The following UPP2 variants were observed in gnomAD, a reference collection of about 807,000 sequenced individuals.
UPP2 encodes the protein UPase 2.
UPP2 carries 23 observed loss-of-function variants against 26.7 expected under a neutral mutation model. The observed-to-expected ratio is 0.86, with a 90% CI of 0.62 to 1.22. The LOEUF is 1.22. Ranked by LOEUF, UPP2 falls within the 50% of genes most tolerant of loss-of-function variation. The pLI, the probability that UPP2 is intolerant of heterozygous loss-of-function variation, is 0.00. For synonymous variants in UPP2, 127 were observed against 141.3 expected, an observed-to-expected ratio of 0.90 and a Z score of 0.72; for missense variants, 387 against 396.7, an observed-to-expected ratio of 0.98 and a Z score of 0.21.
At chr2:158,062,633 C>T (rs1682369795) in intron 3 of UPP2, among the ~76,000 whole-genome samples, 3 of 152,176 alleles carry the variant, frequency 2.0e-5, no homozygotes, top group African/African-American at 7.2e-5. Context: ...TTCTGTAGCA[C>T]TCTCCTTTTT....
At chr2:158,050,725 T>A (rs561293296) in intron 3 of UPP2, among the ~76,000 whole-genome samples, 32 of 151,936 alleles carry the variant, frequency 2.1e-4, no homozygotes, top group Admixed American at 2.6e-4. Context: ...TAAAAATGAG[T>A]TTTTATTTGC....
Position 158,032,582 on chromosome 2 carries a change from G to A in UPP2, c.147+16696G>A, listed in dbSNP as rs1452820994. Reference sequence around the variant, plus strand: ...CATTAGGAGGTGGGACATGGGGGAGGTGCTGAAACATGGCTGGGACTGAGA... The same window carrying A: ...CATTAGGAGGTGGGACATGGGGGAGATGCTGAAACATGGCTGGGACTGAGA... On this transcript the variant is annotated intron_variant, in intron 3 of 9. Transcript: ENST00000605860. Among the ~76,000 whole-genome samples, 7 of 152,124 alleles carry A rather than the reference G, an allele frequency of 4.6e-5. No homozygotes were observed. In the East Asian group the frequency reaches 1.2e-3, roughly 25 times the overall value.
chr2:158,034,575 G>C (rs924733859), intron 3 of UPP2, among the ~76,000 whole-genome samples: 2 of 152,222 alleles, frequency 1.3e-5, no homozygotes, highest in Non-Finnish European at 2.9e-5. Context: ...TCCAAGAGGG[G>C]AGCTTGGGAA....
intron 3 of UPP2, among the ~76,000 whole-genome samples, chr2:158,093,505 T>C (rs958785959): frequency 5.3e-5 from 8 of 152,060 alleles, no homozygotes; most frequent in Non-Finnish European, 8.8e-5. Flanking sequence ...TCAGTATTCA[T>C]CATATATAAA....
intron 3 of UPP2, among the ~76,000 whole-genome samples, chr2:158,031,076 A>G (rs936785148): frequency 2.6e-5 from 4 of 152,198 alleles, no homozygotes; most frequent in Non-Finnish European, 5.9e-5. Context: ...AAAAATAAGA[A>G]GGCAGCAAAA....
chr2:158,038,633 T>C (rs547303443), intron 3 of UPP2, among the ~76,000 whole-genome samples: 39 of 152,332 alleles, frequency 2.6e-4, no homozygotes, highest in Middle Eastern at 6.8e-3. Context: ...AAAGAGTTTG[T>C]GCTACTCTTC....
At chr2:158,133,100 C>G (rs1683858410) in intron 6 of UPP2, among the ~76,000 whole-genome samples, 1 of 152,080 alleles carries the variant, frequency 6.6e-6, no homozygotes, top group Admixed American at 6.6e-5. Context: ...TCACAACAGC[C>G]AAGATATGGA....
At chr2:158,112,197 C>A (rs1683333535) in intron 2 of UPP2, among the ~76,000 whole-genome samples, 1 of 152,104 alleles carries the variant, frequency 6.6e-6, no homozygotes. Flanking sequence ...CACTTCCCAA[C>A]TTCAAAACTT....
At chr2:158,115,409 C>G (rs1181594317) in intron 3 of UPP2, 150 bp downstream of exon 3, 1 of 931,114 alleles carries the variant, frequency 1.1e-6, no homozygotes, top group Non-Finnish European at 1.5e-6. Context: ...TTGGAAAAAG[C>G]CCCCAGGGCA....
intron 2 of UPP2, among the ~76,000 whole-genome samples, chr2:158,113,888 C>T (rs574452184): frequency 5.3e-5 from 8 of 152,304 alleles, no homozygotes; most frequent in African/African-American, 1.9e-4. Context: ...GTAACAAGCT[C>T]AGAAGCAGGA....
intron 5 of UPP2, among the ~76,000 whole-genome samples, chr2:158,123,415 T>C (rs1683616417): frequency 6.6e-6 from 1 of 152,004 alleles, no homozygotes; most frequent in East Asian, 1.9e-4. Flanking sequence ...CAACCTGAGA[T>C]TTTCCTCAAA....
chr2:158,051,696 G>A (rs1010505441), intron 3 of UPP2, among the ~76,000 whole-genome samples: 3 of 151,952 alleles, frequency 2.0e-5, no homozygotes, highest in Admixed American at 6.6e-5. Flanking sequence ...CAGGAGAATC[G>A]CTTGAACCCA....
At chr2:158,072,738 ATTC>A (rs1682563522) in intron 3 of UPP2, among the ~76,000 whole-genome samples, 3 of 152,172 alleles carry the variant, frequency 2.0e-5, no homozygotes, top group Non-Finnish European at 4.4e-5. Context: ...AATTCAGAGA[ATTC>A]TTCTAGATTT....
intron 3 of UPP2, among the ~76,000 whole-genome samples, chr2:158,064,793 G>GT (rs1682409117): frequency 1.3e-5 from 2 of 152,090 alleles, no homozygotes; most frequent in Admixed American, 1.3e-4. Context: ...TCCAGTTTCA[G>GT]TTTTCTGCAT....
chr2:158,015,256 C>G (rs1683639785), intron 2 of UPP2, among the ~76,000 whole-genome samples: 1 of 152,172 alleles, frequency 6.6e-6, no homozygotes, highest in South Asian at 2.1e-4. Context: ...TTTCCCAGCT[C>G]TTGGCAGCCA....
At chr2:158,098,709 G>A (rs143496071), upstream of UPP2, among the ~76,000 whole-genome samples, 24 of 152,226 alleles carry the variant, frequency 1.6e-4, no homozygotes, top group East Asian at 3.1e-3. Flanking sequence ...TTGGATGAAC[G>A]CGTATCTAAA....
At position 158,113,074 on chromosome 2, in the gene UPP2, G is replaced by A. The variant is rs72940881; in HGVS notation, c.181-2027G>A. Reference sequence around the variant, plus strand: ...TGTGTCCAGAGGTGGTGTTTAGTGAGTCTGGTTTAGGAGTAAGGAAGGCTT... The same window carrying A: ...TGTGTCCAGAGGTGGTGTTTAGTGAATCTGGTTTAGGAGTAAGGAAGGCTT... On this transcript the variant is annotated intron_variant, in intron 2 of 6. Coordinates refer to ENST00000005756, the MANE Select transcript of UPP2 (RefSeq NM_173355.4). Among the ~76,000 whole-genome samples, 1,061 of 152,298 alleles carry A rather than the reference G, an allele frequency of 7.0e-3. 6 individuals are homozygous for A. Among genetic ancestry groups the A allele is most frequent in the Non-Finnish European group, 0.012 (805 of 68,018 alleles).
intron 3 of UPP2, among the ~76,000 whole-genome samples, chr2:158,034,530 G>T (rs1683972070): frequency 6.6e-6 from 1 of 152,200 alleles, no homozygotes; most frequent in Non-Finnish European, 1.5e-5. Context: ...TCTCAGAGGA[G>T]ATGTGACAGA....
intron 3 of UPP2, among the ~76,000 whole-genome samples, chr2:158,080,073 G>A (rs1320552635): frequency 6.6e-6 from 1 of 152,014 alleles, no homozygotes; most frequent in Non-Finnish European, 1.5e-5. Flanking sequence ...TTTCTCATTT[G>A]ATTAAGAGAT....
Sources: gnomAD v4.1 joint callset for allele counts (sites outside exome capture counted in the v4.1 genomes callset) on GRCh38, gnomAD v4.1.1 for gene constraint, MANE v1.5 for transcripts, NCBI Gene and HGNC (gene_info 2026-07-23, HGNC 2026-07-21) for gene names.